Variants in SLC8A1 observed in about 807,000 individuals in gnomAD.
SLC8A1 encodes the protein solute carrier family 8 member A1.
SLC8A1 carries 18 observed loss-of-function variants against 68.3 expected under a neutral mutation model. The ratio of observed to expected loss-of-function variants is 0.26; its 90% CI spans 0.18 to 0.39. SLC8A1 has a LOEUF of 0.39. SLC8A1 is among the 10% of genes least tolerant of loss of function. SLC8A1 has a pLI of 1.00. For synonymous variants in SLC8A1, 475 were observed against 415.5 expected (o/e 1.14, Z -1.74); for missense variants, 985 against 1,156.7 (o/e 0.85, Z 2.15).
intron 3 of SLC8A1, among the ~76,000 whole-genome samples, chr2:40,175,657 T>C (rs752528589): frequency 1.3e-5 from 2 of 152,162 alleles, no homozygotes; most frequent in African/African-American, 4.8e-5. Context: ...CTTAACTTGA[T>C]ATGAGTGAGG....
chr2:40,159,139 T>C (rs982134644), intron 6 of SLC8A1, among the ~76,000 whole-genome samples: 2 of 152,294 alleles, frequency 1.3e-5, no homozygotes, highest in East Asian at 1.9e-4. Context: ...CTCTCTGAAA[T>C]TGCAGACTCT....
At chr2:40,362,894 A>T (rs772147411) in intron 2 of SLC8A1, among the ~76,000 whole-genome samples, 3 of 152,082 alleles carry the variant, frequency 2.0e-5, no homozygotes, top group Non-Finnish European at 4.4e-5. Flanking sequence ...GTGACCTAGA[A>T]CTCAAAGAAA....
In SLC8A1 at chr2:40,480,809, C is replaced by CACG. The variant is rs150567167; in HGVS notation, c.-25+31537_-25+31539dup. Among the ~76,000 whole-genome samples the CACG allele has an allele frequency of 9.1e-3, 1,378 of 152,236 alleles. 18 individuals are homozygous for CACG. Among genetic ancestry groups the CACG allele is most frequent in the African/African-American group, 0.03 (1,266 of 41,526 alleles). The stretch of plus-strand genomic sequence containing the variant: ...CACTAATCTGCTACAAGATGAAGAC[C>CACG]ACGACGTTATACAGGCTAATTCTGA... On this transcript the variant is annotated intron_variant, in intron 1 of 7. Coordinates refer to the SLC8A1 transcript ENST00000402441.
intron 1 of SLC8A1, among the ~76,000 whole-genome samples, chr2:40,477,090 T>C (rs958079142): frequency 6.6e-6 from 1 of 152,210 alleles, no homozygotes; most frequent in African/African-American, 2.4e-5. Flanking sequence ...CACGACAATG[T>C]CATGCATTAT....
intron 2 of SLC8A1, among the ~76,000 whole-genome samples, chr2:40,393,922 C>T (rs568168642): frequency 6.6e-6 from 1 of 152,084 alleles, no homozygotes; most frequent in Non-Finnish European, 1.5e-5. Flanking sequence ...AAATACCCCA[C>T]CACAAGCCCT....
chr2:40,433,827 C>A (rs1698863022), intron 1 of SLC8A1, among the ~76,000 whole-genome samples: 1 of 152,124 alleles, frequency 6.6e-6, no homozygotes, highest in African/African-American at 2.4e-5. Flanking sequence ...TTGGACTAGC[C>A]CGTTGGAAAG....
At chr2:40,204,313 C>T (rs901746975) in intron 2 of SLC8A1, among the ~76,000 whole-genome samples, 1 of 151,988 alleles carries the variant, frequency 6.6e-6, no homozygotes, top group Non-Finnish European at 1.5e-5. Flanking sequence ...TTCCTGTAAG[C>T]CCCTTAAGAG....
rs568697532 is a variant in SLC8A1 at position 40,480,088 on chromosome 2, A to T, written c.-25+32261T>A. ...CAGTGCACGTTTATTGTTTTTTTTT[A>T]AAAATTAGATACTGATTTTTTCTGG... On this transcript the variant is annotated intron_variant, in intron 1 of 7. Coordinates refer to the SLC8A1 transcript ENST00000402441. 5.4e-4 allele frequency among the ~76,000 whole-genome samples: 82 copies of T among 152,076 alleles called. 1 individual carries two copies. Among genetic ancestry groups the T allele is most frequent in the East Asian group, 3.1e-3 (16 of 5,182 alleles).
intron 1 of SLC8A1, among the ~76,000 whole-genome samples, chr2:40,445,050 C>T (rs764925857): frequency 7.9e-5 from 12 of 152,178 alleles, no homozygotes; most frequent in Non-Finnish European, 1.8e-4. Flanking sequence ...CAGTAATGAG[C>T]TAACAGTTGC....
rs554020194 is a variant in SLC8A1 at position 40,209,271 on chromosome 2, A to G, written c.1809-31416T>C. ...AGAAAAGAGTGTGAGGAAATGAGCA[A>G]GTTAGCCATCTGGATTATTTGAAGG... On this transcript the variant is annotated intron_variant, in intron 2 of 7. Transcript: ENST00000406785. 3.9e-5 allele frequency: 6 copies of G among 152,382 alleles called. No homozygotes were observed. The East Asian group carries it at 1.2e-3, about 30-fold the overall frequency. The allele number at this position is 152,382 out of a possible 1,614,324, so 9.4% of individuals were successfully genotyped here.
intron 1 of SLC8A1, among the ~76,000 whole-genome samples, chr2:40,498,285 T>C (rs993304984): frequency 6.6e-6 from 1 of 152,024 alleles, no homozygotes; most frequent in Non-Finnish European, 1.5e-5. Flanking sequence ...AATATAAACA[T>C]GATGGTAAAA....
At chr2:40,335,629 A>G (rs1665715334) in intron 2 of SLC8A1, among the ~76,000 whole-genome samples, 1 of 152,268 alleles carries the variant, frequency 6.6e-6, no homozygotes, top group Admixed American at 6.5e-5. Context: ...CTACAATATG[A>G]CAGCCCTAAA....
intron 2 of SLC8A1, among the ~76,000 whole-genome samples, chr2:40,363,319 C>A (rs149605936): frequency 7.3e-4 from 108 of 148,698 alleles, no homozygotes; most frequent in African/African-American, 2.6e-3. Context: ...GAAGTGGTTT[C>A]TAAAAGAACC....
At position 40,394,456 on chromosome 2, in the gene SLC8A1, C is replaced by CGTGT. The variant is rs903893498; in HGVS notation, c.1808+34013_1808+34016dup. Among the ~76,000 whole-genome samples, 3 of 150,508 alleles carry CGTGT rather than the reference C, an allele frequency of 2.0e-5. 1 individual carries two copies. The highest frequency in any genetic ancestry group is 4.2e-4 in the South Asian group (2 of 4,760). Reference sequence around the variant, plus strand: ...GTTTTTCTGTTAGTGTGTGTGTGTGCGTGTGTGTGTGGTGTGTGAGTGAAT... The same window carrying CGTGT: ...GTTTTTCTGTTAGTGTGTGTGTGTGCGTGTGTGTGTGTGTGGTGTGTGAGTGAAT... On this transcript the variant is annotated intron_variant, in intron 2 of 7. Coordinates refer to ENST00000406785, the Ensembl canonical transcript of SLC8A1.
chr2:40,209,306 G>A (rs998231161), intron 2 of SLC8A1: 3 of 152,168 alleles, frequency 2.0e-5, no homozygotes, highest in African/African-American at 7.2e-5. Flanking sequence ...GGGAGGCAGG[G>A]GCAAAGACAG....
intron 1 of SLC8A1, among the ~76,000 whole-genome samples, chr2:40,475,156 C>T (rs951415412): frequency 2.0e-5 from 3 of 151,958 alleles, no homozygotes; most frequent in African/African-American, 4.8e-5. Context: ...TTTTTTGAGA[C>T]GGAGTCTCGC....
chr2:40,353,035 G>T (rs1215796817), intron 2 of SLC8A1, among the ~76,000 whole-genome samples: 1 of 152,116 alleles, frequency 6.6e-6, no homozygotes, highest in African/African-American at 2.4e-5. Context: ...TTTCCTGAAG[G>T]GGTGGAGCTC....
At chr2:40,168,994 G>T in intron 4 of SLC8A1, among the ~76,000 whole-genome samples, 1 of 152,278 alleles carries the variant, frequency 6.6e-6, no homozygotes, top group South Asian at 2.1e-4. Context: ...ACCAGTGGGG[G>T]ATCTCCCTTC....
chr2:40,302,031 C>CTGTGTGTGTGTGTATG lies in SLC8A1; in HGVS notation c.1809-124177_1809-124176insCATACACACACACACA, dbSNP rs2071558994. ...GCACCTGCCACCACACCGGGCTAAT[C>CTGTGTGTGTGTGTATG]TGTGTGTGTGTGTGTGTGTGTGTGT... On this transcript the variant is annotated intron_variant, in intron 2 of 7. Transcript: ENST00000406785. Among the ~76,000 whole-genome samples the CTGTGTGTGTGTGTATG allele has an allele frequency of 1.1e-4, 15 of 132,228 alleles. No individual in the cohort carries two copies. In the Admixed American group the frequency reaches 1.2e-3, roughly 10 times the overall value. 86.7% of individuals were successfully genotyped at this position (132,228 alleles called of 152,430 possible).
Sources: allele counts gnomAD v4.1 joint callset (sites outside exome capture counted in the v4.1 genomes callset), GRCh38; gene constraint gnomAD v4.1.1; transcripts MANE v1.5; gene names NCBI Gene and HGNC (gene_info 2026-07-23, HGNC 2026-07-21).